The following PLCH2 variants were observed in gnomAD, a reference collection of about 807,000 sequenced individuals.
PLCH2 encodes the protein 1-phosphatidylinositol 4,5-bisphosphate phosphodiesterase eta-2.
In PLCH2, 98 loss-of-function variants were observed where a neutral mutation model predicts 134.7. The ratio of observed to expected loss-of-function variants is 0.73; its 90% CI spans 0.62 to 0.86. The LOEUF is 0.86. PLCH2 is among the 40% of genes least tolerant of loss of function. PLCH2 has a pLI of 0.00. For missense variants in PLCH2, 1,994 were observed against 1,986.6 expected, an observed-to-expected ratio of 1.00 and a Z score of -0.07; for synonymous variants, 974 against 827.5, an observed-to-expected ratio of 1.18 and a Z score of -3.04.
intron 2 of PLCH2, chr1:2,479,406 C>T (rs987653091): frequency 1.2e-5 from 3 of 247,246 alleles, no homozygotes; most frequent in South Asian, 7.2e-5. Context: ...TTCCTTGGAA[C>T]GTGGAGACGT....
At chr1:2,490,337 C>T (rs1373293788) in intron 10 of PLCH2, among the ~76,000 whole-genome samples, 1 of 152,204 alleles carries the variant, frequency 6.6e-6, no homozygotes, top group African/African-American at 2.4e-5. Context: ...GCCTCATCTC[C>T]AAGCAGTGCC....
At chr1:2,462,106 TCCGC>T (rs1640834885) in intron 2 of PLCH2, among the ~76,000 whole-genome samples, 2 of 54,706 alleles carry the variant, frequency 3.7e-5, no homozygotes, top group Admixed American at 4.3e-4. Context: ...TGACACCCCC[TCCGC>T]CTGACACCCC....
intron 2 of PLCH2, among the ~76,000 whole-genome samples, chr1:2,454,067 T>C (rs1274487551): frequency 6.6e-6 from 1 of 152,172 alleles, no homozygotes; most frequent in African/African-American, 2.4e-5. Flanking sequence ...CCCGAGTCTG[T>C]CACCCACCTA....
rs565536588 is a variant in PLCH2 at position 2,484,073 on chromosome 1, G to A, written c.646-375G>A. 1.3e-5 allele frequency among the ~76,000 whole-genome samples: 2 copies of A among 152,162 alleles called. 1 individual carries two copies. The highest frequency in any genetic ancestry group is 2.9e-5 in the Non-Finnish European group (2 of 67,942). ...GTGGGTGGCGTTGGCTCCCGTGTGG[G>A]GGGTGTTGACTGCTGTGTGGGGGAG... On this transcript the variant is annotated intron_variant, in intron 4 of 21. Coordinates refer to ENST00000378486, the MANE Select transcript of PLCH2 (RefSeq NM_014638.4).
Position 2,499,191 on chromosome 1 carries a change from A to G in PLCH2, c.2542A>G (p.Ile848Val). Residue 848 changes from isoleucine to valine, a missense_variant, in exon 19 of 22, where the codon ATT becomes GTT. By Grantham distance (29) the Ile-to-Val change is conservative (BLOSUM62 3). Coordinates refer to ENST00000378486, the MANE Select transcript of PLCH2 (RefSeq NM_014638.4). The part of the protein sequence containing the change: ...WDHDPIGRDF[I>V]GQRTLAFSSM... ...CCACGATCCCATCGGGCGTGACTTCATTGGCCAGAGGACGCTGGCCTTCAG... is the reference window on the plus strand; with the variant it reads ...CCACGATCCCATCGGGCGTGACTTCGTTGGCCAGAGGACGCTGGCCTTCAG... The G allele has an allele frequency of 1.2e-6, 2 of 1,613,154 alleles. No individual in the cohort carries two copies. The highest frequency in any genetic ancestry group is 1.7e-6 in the Non-Finnish European group (2 of 1,179,786).
chr1:2,463,006 T>C (rs1640897510), upstream of PLCH2, among the ~76,000 whole-genome samples: 1 of 152,236 alleles, frequency 6.6e-6, no homozygotes, highest in East Asian at 1.9e-4. Context: ...ATGAAATGTC[T>C]GAGGTATGGG....
At chr1:2,494,501 A>G (rs1218670749) in intron 11 of PLCH2, 1 of 378,002 alleles carries the variant, frequency 2.6e-6, no homozygotes, top group Non-Finnish European at 5.0e-6. Flanking sequence ...AGGCACACAA[A>G]CGCAGTTATT....
Position 2,444,690 on chromosome 1 carries a change from ACTGT to A in PLCH2, c.115+14065_115+14068del, listed in dbSNP as rs535402630. On this transcript the variant is annotated intron_variant, in intron 2 of 3. Transcript: ENST00000609981. This position sits in a 1 kb window ranked among gnomAD's most constrained non-coding sequence, Gnocchi z 4.6. ...CTCCCCTCCGCTCCCCGCCTCCCAC[ACTGT>A]CTGGTGACACTGGAGGCAGCCAAGG... 3.9e-5 allele frequency among the ~76,000 whole-genome samples: 6 copies of A among 152,080 alleles called. No individual in the cohort carries two copies. Among genetic ancestry groups the A allele is most frequent in the African/African-American group, 9.6e-5 (4 of 41,500 alleles).
chr1:2,496,349 C>T (rs1461651789), intron 13 of PLCH2, among the ~76,000 whole-genome samples: 1 of 152,224 alleles, frequency 6.6e-6, no homozygotes, highest in African/African-American at 2.4e-5. Context: ...ACACCTGCCA[C>T]GCTTGGCAGG....
At chr1:2,476,288 G>T, upstream of PLCH2, 1 of 318,956 alleles carries the variant, frequency 3.1e-6, no homozygotes, top group Non-Finnish European at 5.7e-6. Context: ...GCGGGGCTGA[G>T]GTCCTTTGCT....
chr1:2,491,413 G>A (rs1386203372), intron 11 of PLCH2, 78 bp downstream of exon 11: 18 of 1,471,796 alleles, frequency 1.2e-5, no homozygotes, highest in Admixed American at 1.8e-5. Context: ...CAGGGCCCCC[G>A]AACGTATGCT....
At chr1:2,497,998 C>G (rs1033573581) in intron 16 of PLCH2, 1 of 254,010 alleles carries the variant, frequency 3.9e-6, no homozygotes, top group African/African-American at 2.2e-5. Context: ...CCTCCCGGCT[C>G]TCAGACACCT....
chr1:2,450,491 C>T (rs1046928857), intron 2 of PLCH2, among the ~76,000 whole-genome samples: 8 of 150,836 alleles, frequency 5.3e-5, no homozygotes, highest in African/African-American at 7.3e-5. Flanking sequence ...ATTCAGCCTG[C>T]GCCCTATACA....
intron 20 of PLCH2, chr1:2,501,844 C>A: frequency 2.3e-6 from 1 of 442,034 alleles, no homozygotes; most frequent in Non-Finnish European, 4.0e-6. Flanking sequence ...CTGGACAGGT[C>A]AGGCGAGGGC....
chr1:2,463,894 C>A (rs1640938373), upstream of PLCH2, among the ~76,000 whole-genome samples: 2 of 152,244 alleles, frequency 1.3e-5, no homozygotes, highest in Admixed American at 1.3e-4. Context: ...GCAGTGAACT[C>A]CCATGGGGCA....
At chr1:2,491,962 T>C (rs1198743936) in intron 11 of PLCH2, among the ~76,000 whole-genome samples, 7 of 151,892 alleles carry the variant, frequency 4.6e-5, no homozygotes, top group Non-Finnish European at 8.8e-5. Context: ...GCAGTCCTGC[T>C]GCGGGTGGGG....
chr1:2,503,848 G>C, intron 21 of PLCH2, 74 bp from the exon 22 acceptor site: 1 of 649,472 alleles, frequency 1.5e-6, no homozygotes, highest in South Asian at 1.7e-5. Flanking sequence ...ACTCCTCTCC[G>C]CCTCTCTCCC....
chr1:2,473,490 C>T (rs1409388147), upstream of PLCH2, among the ~76,000 whole-genome samples: 1 of 152,238 alleles, frequency 6.6e-6, no homozygotes, highest in African/African-American at 2.4e-5. Context: ...GAGGCTTCTC[C>T]AGGCCCAGGG....
chr1:2,498,764 G>A lies in PLCH2; in HGVS notation c.2370G>A (p.Glu790=), dbSNP rs1207389901. 6.2e-7 allele frequency: 1 copy of A among 1,611,154 alleles called. No homozygotes were observed. The highest frequency in any genetic ancestry group is 8.5e-7 in the Non-Finnish European group (1 of 1,179,058). The change falls in exon 18 of 22, where the codon GAG becomes GAA. Residue 790 remains glutamate, a synonymous_variant. Transcript: ENST00000378486. The surrounding 1 kb of genome is among the most constrained non-coding windows in gnomAD (Gnocchi z 5.4). ...DRGEIIDPFV[E]VEIIGLPVDC... Reference sequence around the variant, plus strand: ...CCCAGATCATCGACCCCTTTGTGGAGGTGGAGATCATTGGGCTCCCTGTGG... The same window carrying A: ...CCCAGATCATCGACCCCTTTGTGGAAGTGGAGATCATTGGGCTCCCTGTGG...
Sources: allele counts gnomAD v4.1 joint callset (sites outside exome capture counted in the v4.1 genomes callset), GRCh38; gene constraint gnomAD v4.1.1; non-coding constraint Gnocchi (gnomAD v3.1); transcripts MANE v1.5; gene names NCBI Gene and HGNC (gene_info 2026-07-23, HGNC 2026-07-21).